PRKAA1: variants seen among roughly 807,000 people sequenced by gnomAD.
The protein encoded by PRKAA1 is 5'-AMP-activated protein kinase catalytic subunit alpha-1.
Under a neutral mutation model 56.9 loss-of-function variants are expected in PRKAA1, and 23 were observed. The observed-to-expected ratio is 0.40, with a 90% CI of 0.29 to 0.57. The LOEUF is 0.57. Ranked by LOEUF, PRKAA1 falls within the 20% of genes least tolerant of loss-of-function variation. The pLI is 0.39. For missense variants in PRKAA1, 413 were observed against 679.7 expected, an observed-to-expected ratio of 0.61 and a Z score of 4.36; for synonymous variants, 226 against 227.0, an observed-to-expected ratio of 1.00 and a Z score of 0.04.
chr5:40,771,837 C>G lies in PRKAA1; in HGVS notation c.390G>C (p.Leu130=), dbSNP rs779184141. Reference sequence around the variant, plus strand: ...CCACACCAGAAAGGATCTGTTGGAACAGACGCCGACTTTCTTTTTCATCCA... The same window carrying G: ...CCACACCAGAAAGGATCTGTTGGAAGAGACGCCGACTTTCTTTTTCATCCA... ...GRLDEKESRR[L]FQQILSGVDY... The change falls in exon 4 of 9, where the codon CTG becomes CTC. Residue 130 remains leucine, a synonymous_variant. Transcript: ENST00000397128. The G allele has an allele frequency of 6.2e-7, 1 of 1,609,356 alleles. No homozygotes were observed. The highest frequency in any genetic ancestry group is 2.2e-5 in the East Asian group (1 of 44,796).
At chr5:40,796,280 G>A (rs1020128058) in intron 1 of PRKAA1, among the ~76,000 whole-genome samples, 3 of 151,674 alleles carry the variant, frequency 2.0e-5, no homozygotes, top group Non-Finnish European at 2.9e-5. Context: ...CACACCACAC[G>A]GCACTCCAGC....
At position 40,771,736 on chromosome 5, in the gene PRKAA1, G is replaced by C; in HGVS notation, c.491C>G (p.Ala164Gly). ...ATCCTTACCAAAATCAGCTATCTTT[G>C]CATTCATGTGTGCATCAAGCAGGAC... Reference protein sequence around the residue: ...ENVLLDAHMNAKIADFGLSNM... With the variant: ...ENVLLDAHMNGKIADFGLSNM... Residue 164 changes from alanine to glycine, a missense_variant, in exon 4 of 9, where the codon GCA becomes GGA. Ala to Gly is a moderately conservative substitution (Grantham distance 60). Around this residue, in one of 9 missense-constraint regions of PRKAA1, gnomAD observed 113 missense variants for 198.6 expected, o/e 0.57. Coordinates refer to ENST00000397128, the MANE Select transcript of PRKAA1 (RefSeq NM_006251.6). 1 of 1,605,116 alleles carries C rather than the reference G, an allele frequency of 6.2e-7. No individual in the cohort carries two copies. The highest frequency in any genetic ancestry group is 8.5e-7 in the Non-Finnish European group (1 of 1,178,042).
At chr5:40,766,020 T>C (rs1743416980) in intron 6 of PRKAA1, among the ~76,000 whole-genome samples, 1 of 152,226 alleles carries the variant, frequency 6.6e-6, no homozygotes, top group Non-Finnish European at 1.5e-5. Context: ...TATTCTCTTC[T>C]CTATTGTTGG....
rs1224388471 is a variant in PRKAA1, at chr5:40,764,910, T to C, written c.1150A>G (p.Arg384Gly). The change falls in exon 7 of 9, where the codon AGG becomes GGG. Residue 384 changes from arginine to glycine, a missense_variant. By Grantham distance (125) the Arg-to-Gly change is moderately radical. Around this residue, in one of 9 missense-constraint regions of PRKAA1, gnomAD observed 50 missense variants for 87.7 expected, o/e 0.57. Coordinates refer to ENST00000397128, the MANE Select transcript of PRKAA1 (RefSeq NM_006251.6). The stretch of plus-strand genomic sequence containing the variant: ...AATTCATCAAGGGTATGGCGTGCCC[T>C]TGGTGTTTCAGCAACCAAGAATGGT... ...RVPFLVAETP[R>G]ARHTLDELNP... is the part of the protein sequence containing the mutation. The C allele has an allele frequency of 6.2e-7, 1 of 1,614,216 alleles. No individual in the cohort carries two copies. Among genetic ancestry groups the C allele is most frequent in the Non-Finnish European group, 8.5e-7 (1 of 1,180,016 alleles).
At chr5:40,794,388 T>C (rs990028318) in intron 1 of PRKAA1, among the ~76,000 whole-genome samples, 5 of 152,358 alleles carry the variant, frequency 3.3e-5, no homozygotes, top group Middle Eastern at 3.4e-3. Flanking sequence ...TTCTGGATAT[T>C]AGTACTTTTT....
intron 5 of PRKAA1, 34 bp from the exon 6 acceptor site, chr5:40,767,724 C>G: frequency 6.6e-7 from 1 of 1,507,920 alleles, no homozygotes; most frequent in Non-Finnish European, 9.1e-7. Context: ...ATTAAAGAAT[C>G]ATTTTAACCT....
At chr5:40,797,639 C>A (rs1744986706) in intron 1 of PRKAA1, among the ~76,000 whole-genome samples, 1 of 152,236 alleles carries the variant, frequency 6.6e-6, no homozygotes, top group Non-Finnish European at 1.5e-5. Flanking sequence ...CGCCAAGGAC[C>A]GCCAAGGAAG....
intron 1 of PRKAA1, among the ~76,000 whole-genome samples, chr5:40,792,126 T>C (rs1744742746): frequency 6.6e-6 from 1 of 152,230 alleles, no homozygotes; most frequent in African/African-American, 2.4e-5. Flanking sequence ...TGTGTGTATC[T>C]TTAAAGAGAC....
intron 5 of PRKAA1, chr5:40,768,735 A>G: frequency 7.6e-7 from 1 of 1,309,590 alleles, no homozygotes; most frequent in Non-Finnish European, 9.7e-7. Flanking sequence ...AAAAGTTATT[A>G]AAAGTTCATT....
chr5:40,784,039 A>G (rs1744371015), intron 1 of PRKAA1, among the ~76,000 whole-genome samples: 1 of 152,210 alleles, frequency 6.6e-6, no homozygotes, highest in Non-Finnish European at 1.5e-5. Context: ...AAGGGTGACT[A>G]TAACAGATAC....
At chr5:40,775,553 C>T in intron 2 of PRKAA1, 50 bp from the exon 3 acceptor site, 3 of 1,359,292 alleles carry the variant, frequency 2.2e-6, no homozygotes, top group Non-Finnish European at 3.2e-6. Flanking sequence ...TATATTCATT[C>T]ATTCAATAAA....
At position 40,795,006 on chromosome 5, in the gene PRKAA1, T is replaced by TACACACACACACACACACAC. The variant is rs1468122343; in HGVS notation, c.127+3056_127+3057insGTGTGTGTGTGTGTGTGTGT. 5.0e-5 allele frequency among the ~76,000 whole-genome samples: 7 copies of TACACACACACACACACACAC among 139,950 alleles called. No individual in the cohort carries two copies. In the East Asian group the frequency reaches 1.6e-3, roughly 32 times the overall value. 91.8% of individuals were successfully genotyped at this position (139,950 alleles called of 152,430 possible). The stretch of plus-strand genomic sequence containing the variant: ...AAAGAAACTGTGGTGTATACATATA[T>TACACACACACACACACACAC]ATACACACACACACACACACACACA... On this transcript the variant is annotated intron_variant, in intron 1 of 8. Transcript: ENST00000397128.
At chr5:40,779,928 C>G (rs1409977670) in intron 1 of PRKAA1, among the ~76,000 whole-genome samples, 2 of 152,052 alleles carry the variant, frequency 1.3e-5, no homozygotes, top group African/African-American at 4.8e-5. Flanking sequence ...TTAGAATTCT[C>G]TAAAAGCCTT....
At chr5:40,788,410 A>G (rs974672654) in intron 1 of PRKAA1, among the ~76,000 whole-genome samples, 3 of 152,222 alleles carry the variant, frequency 2.0e-5, no homozygotes, top group African/African-American at 4.8e-5. Flanking sequence ...CAAATCTACT[A>G]GAAGAAAACT....
At chr5:40,772,431 A>G (rs562594042) in intron 3 of PRKAA1, among the ~76,000 whole-genome samples, 1 of 150,876 alleles carries the variant, frequency 6.6e-6, no homozygotes, top group African/African-American at 2.4e-5. Flanking sequence ...TGAGGAAGTA[A>G]TATTTAAGCA....
intron 1 of PRKAA1, among the ~76,000 whole-genome samples, chr5:40,785,514 T>C (rs1744430556): frequency 1.3e-5 from 2 of 152,048 alleles, no homozygotes; most frequent in African/African-American, 4.8e-5. Flanking sequence ...GTGCTGGGAT[T>C]ACAGGCATTA....
intron 1 of PRKAA1, among the ~76,000 whole-genome samples, chr5:40,781,401 A>T (rs1744259866): frequency 6.6e-6 from 1 of 152,158 alleles, no homozygotes; most frequent in Non-Finnish European, 1.5e-5. Context: ...GAAGAAACCC[A>T]AGAAAGATGG....
At chr5:40,790,525 C>CTCTTTTTTTTTTTTTT (rs546238399) in intron 1 of PRKAA1, among the ~76,000 whole-genome samples, 9 of 112,018 alleles carry the variant, frequency 8.0e-5, no homozygotes, top group Non-Finnish European at 1.4e-4. Context: ...TCAACTCTTT[C>CTCTTTTTTTTTTTTTT]TTTTTTTTTT....
At chr5:40,777,415 T>A (rs777588446) in intron 2 of PRKAA1, 30 bp downstream of exon 2, 1 of 1,547,282 alleles carries the variant, frequency 6.5e-7, no homozygotes. Context: ...AAAAGATGAC[T>A]GGACTATATT....
Sources: gnomAD v4.1 joint callset for allele counts (sites outside exome capture counted in the v4.1 genomes callset) on GRCh38, gnomAD v4.1.1 for gene constraint, gnomAD v4.1.1 regional missense constraint, MANE v1.5 for transcripts, NCBI Gene and HGNC (gene_info 2026-07-23, HGNC 2026-07-21) for gene names.